The following TANC1 variants were observed in gnomAD, a reference collection of about 807,000 sequenced individuals.
TANC1 encodes protein TANC1.
A neutral mutation model predicts 149.7 loss-of-function variants in TANC1; 77 were observed. The ratio of observed to expected loss-of-function variants is 0.51; its 90% CI spans 0.43 to 0.62. TANC1 has a LOEUF of 0.62. Among genes scored for constraint, TANC1 ranks in the 20% least tolerant of loss-of-function variants. The pLI is 0.00. For synonymous variants in TANC1, 854 were observed against 925.0 expected (o/e 0.92, Z 1.39); for missense variants, 1,985 against 2,321.8 (o/e 0.85, Z 2.98).
At chr2:159,188,703 G>A (rs891715028) in intron 16 of TANC1, among the ~76,000 whole-genome samples, 2 of 152,254 alleles carry the variant, frequency 1.3e-5, no homozygotes, top group Non-Finnish European at 2.9e-5. Flanking sequence ...AGCTTCCAGT[G>A]TACTTAGTGG....
At chr2:159,225,840 G>T in intron 24 of TANC1, 61 bp downstream of exon 24, 1 of 1,251,746 alleles carries the variant, frequency 8.0e-7, no homozygotes, top group Middle Eastern at 1.8e-4. Flanking sequence ...TCTTAATTGG[G>T]TACATAATGG....
chr2:159,143,227 T>C (rs2051625975), intron 5 of TANC1, among the ~76,000 whole-genome samples: 5 of 152,164 alleles, frequency 3.3e-5, no homozygotes. Flanking sequence ...GACTTTTCAA[T>C]TGAGATCTCT....
intron 1 of TANC1, among the ~76,000 whole-genome samples, chr2:158,979,627 TTTG>T (rs1213633149): frequency 1.3e-5 from 2 of 152,200 alleles, no homozygotes; most frequent in Admixed American, 6.5e-5. Flanking sequence ...TTCAAGGTTT[TTTG>T]TTGTTGTTGT....
intron 5 of TANC1, among the ~76,000 whole-genome samples, chr2:159,143,060 CTCA>C (rs2051564877): frequency 3.5e-5 from 1 of 28,340 alleles, no homozygotes; most frequent in African/African-American, 9.4e-5. Flanking sequence ...GAGACTCTGT[CTCA>C]AAAAAAAAAA....
At chr2:159,007,693 G>A (rs1243160050) in intron 2 of TANC1, among the ~76,000 whole-genome samples, 2 of 152,220 alleles carry the variant, frequency 1.3e-5, no homozygotes, top group Admixed American at 1.3e-4. Context: ...TCGTTGATAA[G>A]TGATGCGTAA....
intron 4 of TANC1, 136 bp downstream of exon 4, chr2:159,097,970 CTT>C (rs75989532): frequency 4.7e-3 from 2,627 of 560,518 alleles, no homozygotes; most frequent in South Asian, 6.4e-3. Context: ...AGAAATAAAT[CTT>C]TTTTTTTTTT....
At chr2:159,043,103 T>G (rs2040781405) in intron 2 of TANC1, among the ~76,000 whole-genome samples, 1 of 152,130 alleles carries the variant, frequency 6.6e-6, no homozygotes, top group Non-Finnish European at 1.5e-5. Flanking sequence ...ATTCTCTTGG[T>G]TTTGCCAATC....
intron 11 of TANC1, among the ~76,000 whole-genome samples, chr2:159,174,169 T>G (rs1357683207): frequency 6.6e-6 from 1 of 152,164 alleles, no homozygotes; most frequent in Non-Finnish European, 1.5e-5. Context: ...AAGTATTGGA[T>G]TTTTCTTCTA....
intron 3 of TANC1, among the ~76,000 whole-genome samples, chr2:159,086,252 T>C (rs2044838023): frequency 6.6e-6 from 1 of 152,144 alleles, no homozygotes; most frequent in Non-Finnish European, 1.5e-5. Context: ...GTTAAAGCAT[T>C]AACTGGTTGA....
chr2:159,016,945 T>C (rs986437893), intron 2 of TANC1, among the ~76,000 whole-genome samples: 1 of 152,212 alleles, frequency 6.6e-6, no homozygotes, highest in Non-Finnish European at 1.5e-5. Context: ...TGCTGGTTTA[T>C]GGATTGAAAT....
intron 4 of TANC1, among the ~76,000 whole-genome samples, chr2:159,112,382 A>G (rs920999471): frequency 6.6e-6 from 1 of 151,924 alleles, no homozygotes; most frequent in African/African-American, 2.4e-5. Flanking sequence ...CACCCTCCCA[A>G]GTAGCTGGGA....
At chr2:159,006,362 A>T (rs1206983451) in intron 2 of TANC1, among the ~76,000 whole-genome samples, 1 of 151,648 alleles carries the variant, frequency 6.6e-6, no homozygotes, top group Non-Finnish European at 1.5e-5. Flanking sequence ...AAAATATTTT[A>T]TAAACCAAAC....
At chr2:159,148,026 C>A (rs2052338648) in intron 5 of TANC1, 1 of 152,232 alleles carries the variant, frequency 6.6e-6, no homozygotes, top group Non-Finnish European at 1.5e-5. Flanking sequence ...TCAACGGCAA[C>A]ATCACTGTGT....
At chr2:159,033,169 C>A (rs2039917058) in intron 2 of TANC1, among the ~76,000 whole-genome samples, 1 of 152,126 alleles carries the variant, frequency 6.6e-6, no homozygotes, top group African/African-American at 2.4e-5. Flanking sequence ...AGACCTGAAA[C>A]TCCCGATTAA....
intron 5 of TANC1, among the ~76,000 whole-genome samples, chr2:159,143,918 G>A (rs1054131205): frequency 6.6e-6 from 1 of 151,374 alleles, no homozygotes; most frequent in Non-Finnish European, 1.5e-5. Flanking sequence ...TTAACATGAA[G>A]TTTTATAACA....
At chr2:159,044,977 C>A (rs1004544384) in intron 2 of TANC1, among the ~76,000 whole-genome samples, 2 of 152,212 alleles carry the variant, frequency 1.3e-5, no homozygotes, top group African/African-American at 4.8e-5. Context: ...TGCCAAAAGG[C>A]GGAGCTTCTC....
intron 2 of TANC1, among the ~76,000 whole-genome samples, chr2:159,032,269 T>C (rs2039844139): frequency 6.6e-6 from 1 of 152,222 alleles, no homozygotes; most frequent in Non-Finnish European, 1.5e-5. Context: ...AGAATGGCAG[T>C]GCTTTTGAGA....
At chr2:159,016,315 A>G (rs55745044) in intron 2 of TANC1, among the ~76,000 whole-genome samples, 37,264 of 152,152 alleles carry the variant, frequency 0.24, 6,001 homozygotes, top group Non-Finnish European at 0.37. Context: ...GTATGGGGGA[A>G]CGACCCCCAT....
intron 1 of TANC1, among the ~76,000 whole-genome samples, chr2:159,000,700 G>A (rs1380409203): frequency 1.3e-5 from 2 of 152,034 alleles, no homozygotes; most frequent in African/African-American, 4.8e-5. Flanking sequence ...ACATCCGAGA[G>A]CAAGGACCTC....
Sources: gnomAD v4.1 joint callset for allele counts (sites outside exome capture counted in the v4.1 genomes callset) on GRCh38, gnomAD v4.1.1 for gene constraint, MANE v1.5 for transcripts, NCBI Gene and HGNC (gene_info 2026-07-23, HGNC 2026-07-21) for gene names.